Variants in CDK6 observed in about 807,000 individuals in gnomAD.
The protein encoded by CDK6 is cyclin-dependent kinase 6.
A neutral mutation model predicts 37.1 loss-of-function variants in CDK6; 6 were observed. The ratio of observed to expected loss-of-function variants is 0.16; its 90% CI spans 0.09 to 0.32. The LOEUF (loss-of-function observed/expected upper bound fraction) is 0.32. Ranked by LOEUF, CDK6 falls within the 10% of genes least tolerant of loss-of-function variation. CDK6 has a pLI of 1.00. For missense variants in CDK6, 224 were observed against 418.9 expected, an observed-to-expected ratio of 0.53 and a Z score of 4.06; for synonymous variants, 160 against 161.3, an observed-to-expected ratio of 0.99 and a Z score of 0.06.
chr7:92,746,594 C>T (rs1377919195), intron 3 of CDK6, among the ~76,000 whole-genome samples: 4 of 152,086 alleles, frequency 2.6e-5, no homozygotes, highest in Non-Finnish European at 4.4e-5. Context: ...TATATATACA[C>T]AAATATTCCA....
rs575734945 is a variant in CDK6, at chr7:92,730,075, G to T, written c.370-4282C>A. On this transcript the variant is annotated intron_variant, in intron 3 of 7. Transcript: ENST00000424848. ...TTATTTTCTCATTACAAGAAAGTAT[G>T]ATTATTTCCAAAAGACACTAAAAAC... Among the ~76,000 whole-genome samples the T allele has an allele frequency of 2.6e-5, 4 of 152,286 alleles. No homozygotes were observed. The East Asian group carries it at 7.7e-4, about 29-fold the overall frequency.
At chr7:92,660,592 A>G (rs1796813451) in intron 5 of CDK6, among the ~76,000 whole-genome samples, 1 of 152,242 alleles carries the variant, frequency 6.6e-6, no homozygotes, top group African/African-American at 2.4e-5. Context: ...TTTATCATAA[A>G]TACATGAATG....
At chr7:92,626,373 A>C (rs1284444445) in intron 5 of CDK6, among the ~76,000 whole-genome samples, 2 of 152,004 alleles carry the variant, frequency 1.3e-5, no homozygotes, top group African/African-American at 4.8e-5. Flanking sequence ...CACCGAATAG[A>C]AGTTTACCTC....
chr7:92,765,087 C>T (rs1025172886), intron 3 of CDK6, among the ~76,000 whole-genome samples: 1 of 151,892 alleles, frequency 6.6e-6, no homozygotes, highest in Non-Finnish European at 1.5e-5. Flanking sequence ...TTCTAGTTCT[C>T]GTGATGGGAA....
intron 4 of CDK6, among the ~76,000 whole-genome samples, chr7:92,711,931 G>T (rs73404497): frequency 8.6e-5 from 13 of 151,566 alleles, no homozygotes; most frequent in African/African-American, 2.9e-4. Context: ...AACTGAAGAA[G>T]GAACCGTGAC....
In CDK6 at chr7:92,702,621, T is replaced by C. The variant is rs1001774034; in HGVS notation, c.537+23005A>G. Among the ~76,000 whole-genome samples the C allele has an allele frequency of 3.3e-5, 5 of 152,202 alleles. No homozygotes were observed. In the East Asian group the frequency reaches 9.7e-4, roughly 29 times the overall value. ...CATTTGCTTTCAAGGTACATGTCTG[T>C]TGCCTTGAAGAATTCTCCTCAGACT... On this transcript the variant is annotated intron_variant, in intron 4 of 7. Coordinates refer to ENST00000424848, the MANE Select transcript of CDK6 (RefSeq NM_001145306.2).
intron 5 of CDK6, among the ~76,000 whole-genome samples, chr7:92,651,450 C>T (rs1318979191): frequency 1.3e-5 from 2 of 152,120 alleles, no homozygotes; most frequent in Non-Finnish European, 2.9e-5. Flanking sequence ...CAAACAACAA[C>T]AACAACAAAA....
At chr7:92,687,936 T>C (rs1797500954) in intron 4 of CDK6, among the ~76,000 whole-genome samples, 1 of 152,234 alleles carries the variant, frequency 6.6e-6, no homozygotes, top group Non-Finnish European at 1.5e-5. Flanking sequence ...AAACTGTGTA[T>C]GCTGTTGTAG....
At chr7:92,652,295 TTG>T (rs1235892930) in intron 5 of CDK6, among the ~76,000 whole-genome samples, 4 of 152,208 alleles carry the variant, frequency 2.6e-5, no homozygotes, top group Non-Finnish European at 4.4e-5. Context: ...ATTTTGTTAT[TTG>T]CTGTCTGCCT....
intron 7 of CDK6, 31 bp downstream of exon 7, chr7:92,618,041 T>G (rs2116483598): frequency 6.2e-7 from 1 of 1,610,780 alleles, no homozygotes. Context: ...ACTGGCACAG[T>G]GCAGACGAGC....
intron 3 of CDK6, among the ~76,000 whole-genome samples, chr7:92,745,951 G>C (rs1044517084): frequency 6.6e-6 from 1 of 152,146 alleles, no homozygotes; most frequent in South Asian, 2.1e-4. Context: ...TTATCAGTTT[G>C]TTGTATATTC....
rs113941367 is a variant in CDK6 at position 92,650,896 on chromosome 7, C to CTT, written c.647+20528_647+20529dup. Among the ~76,000 whole-genome samples, 14 of 146,100 alleles carry CTT rather than the reference C, an allele frequency of 9.6e-5. 1 individual carries two copies. The highest frequency in any genetic ancestry group is 2.7e-4 in the African/African-American group (11 of 40,086). On this transcript the variant is annotated intron_variant, in intron 5 of 7. Transcript: ENST00000424848. ...CTTCTAGCCTGAGAAAATTCTCTCT[C>CTT]TTTTTTTTTTTTTAGACGGAGTCTC...
At chr7:92,705,299 A>C in intron 4 of CDK6, among the ~76,000 whole-genome samples, 1 of 152,214 alleles carries the variant, frequency 6.6e-6, no homozygotes, top group East Asian at 1.9e-4. Flanking sequence ...ATAGTAACAA[A>C]ATATCCAGAA....
intron 3 of CDK6, among the ~76,000 whole-genome samples, chr7:92,739,668 T>C (rs958046834): frequency 1.3e-5 from 2 of 152,264 alleles, no homozygotes; most frequent in African/African-American, 4.8e-5. Flanking sequence ...ATCTCTTGCC[T>C]GGATTACTAC....
chr7:92,727,524 T>C (rs949903549), intron 3 of CDK6, among the ~76,000 whole-genome samples: 6 of 152,214 alleles, frequency 3.9e-5, no homozygotes, highest in African/African-American at 1.2e-4. Flanking sequence ...GTTTCTGGCA[T>C]ATGGTAAGCA....
chr7:92,781,726 A>C (rs1320410822), intron 2 of CDK6, among the ~76,000 whole-genome samples: 1 of 152,214 alleles, frequency 6.6e-6, no homozygotes, highest in African/African-American at 2.4e-5. Context: ...CAAATAGTTC[A>C]AGAGCTGAGA....
intron 5 of CDK6, among the ~76,000 whole-genome samples, chr7:92,669,235 C>G (rs1261030385): frequency 2.0e-5 from 3 of 152,300 alleles, no homozygotes; most frequent in Middle Eastern, 3.4e-3. Flanking sequence ...TGTATATGTT[C>G]CAGGTCGTAG....
intron 2 of CDK6, among the ~76,000 whole-genome samples, chr7:92,802,063 G>A (rs1033760282): frequency 3.2e-4 from 45 of 141,250 alleles, no homozygotes; most frequent in African/African-American, 1.1e-3. Context: ...GGGAACAAGC[G>A]CAATTTTGCT....
At chr7:92,751,302 G>C (rs186934090) in intron 3 of CDK6, among the ~76,000 whole-genome samples, 1 of 152,046 alleles carries the variant, frequency 6.6e-6, no homozygotes, top group African/African-American at 2.4e-5. Flanking sequence ...GATTATTGCT[G>C]ATATTTTAAG....
Sources: allele counts gnomAD v4.1 joint callset (sites outside exome capture counted in the v4.1 genomes callset), GRCh38; gene constraint gnomAD v4.1.1; transcripts MANE v1.5; gene names NCBI Gene and HGNC (gene_info 2026-07-23, HGNC 2026-07-21).